The following GLRB variants were observed in gnomAD, a reference collection of about 807,000 sequenced individuals.
The protein encoded by GLRB is glycine receptor beta.
GLRB carries 33 observed loss-of-function variants against 54.2 expected under a neutral mutation model. The observed-to-expected ratio is 0.61, with a 90% confidence interval of 0.46 to 0.81. GLRB has a LOEUF of 0.81. Among genes scored for constraint, GLRB ranks in the 40% least tolerant of loss-of-function variants. The pLI, the probability that GLRB is intolerant of heterozygous loss-of-function variation, is 0.00. For missense variants in GLRB, 572 were observed against 584.6 expected, an observed-to-expected ratio of 0.98 and a Z score of 0.22; for synonymous variants, 209 against 208.2, an observed-to-expected ratio of 1.00 and a Z score of -0.03.
chr4:157,091,946 A>G (rs1236340094), intron 2 of GLRB, among the ~76,000 whole-genome samples: 1 of 152,200 alleles, frequency 6.6e-6, no homozygotes, highest in Non-Finnish European at 1.5e-5. Flanking sequence ...ACTCCCTGCC[A>G]TTAACACTAT....
At chr4:157,123,020 C>T (rs568144349) in intron 4 of GLRB, among the ~76,000 whole-genome samples, 3 of 151,664 alleles carry the variant, frequency 2.0e-5, no homozygotes, top group African/African-American at 7.2e-5. Flanking sequence ...GGCTGTTGTC[C>T]ATGATAAGTT....
intron 2 of GLRB, among the ~76,000 whole-genome samples, chr4:157,087,617 T>C (rs899907486): frequency 1.3e-5 from 2 of 152,134 alleles, no homozygotes; most frequent in African/African-American, 4.8e-5. Context: ...ATTCTATTTC[T>C]TGGGGAAGTT....
intron 8 of GLRB, among the ~76,000 whole-genome samples, chr4:157,145,725 T>C (rs777531113): frequency 1.6e-4 from 25 of 152,132 alleles, no homozygotes; most frequent in African/African-American, 4.8e-4. Context: ...TGATGTAAGA[T>C]AGCAAGTTTG....
intron 1 of GLRB, 70 bp from the exon 2 acceptor site, chr4:157,077,926 C>A: frequency 9.7e-7 from 1 of 1,027,212 alleles, no homozygotes; most frequent in Non-Finnish European, 1.5e-6. Flanking sequence ...TGCTTATACT[C>A]TTTAAAGGGA....
chr4:157,168,504 T>C (rs1218549006), intron 9 of GLRB, among the ~76,000 whole-genome samples: 1 of 152,036 alleles, frequency 6.6e-6, no homozygotes, highest in Admixed American at 6.6e-5. Context: ...GAAAAAAAAA[T>C]CATGCTATTA....
At chr4:157,126,831 C>T (rs939640938) in intron 4 of GLRB, among the ~76,000 whole-genome samples, 1 of 151,792 alleles carries the variant, frequency 6.6e-6, no homozygotes, top group African/African-American at 2.4e-5. Flanking sequence ...TACACTGGCA[C>T]TTTGACTTAT....
In GLRB at chr4:157,095,464, C is replaced by T. The variant is rs77816350; in HGVS notation, c.122+17318C>T. Among the ~76,000 whole-genome samples the T allele has an allele frequency of 6.3e-3, 963 of 152,120 alleles. 22 individuals are homozygous for T. The East Asian group carries it at 0.1, about 16-fold the overall frequency. ...AGAAAATATCCAATAAGCTGTTGAA[C>T]ATAGAGTCAGAAATTCCAGGGAATA... On this transcript the variant is annotated intron_variant, in intron 2 of 9. Coordinates refer to ENST00000264428, the MANE Select transcript of GLRB (RefSeq NM_000824.5).
At chr4:157,131,577 C>G (rs77881574) in intron 4 of GLRB, among the ~76,000 whole-genome samples, 4,667 of 151,824 alleles carry the variant, frequency 0.031, 118 homozygotes, top group African/African-American at 0.068. Context: ...TGTGCTTTGC[C>G]TCTTTATCCC....
intron 4 of GLRB, among the ~76,000 whole-genome samples, chr4:157,130,699 C>T (rs1736182441): frequency 6.6e-6 from 1 of 151,574 alleles, no homozygotes; most frequent in Non-Finnish European, 1.5e-5. Context: ...AATAATGTTG[C>T]TATGAACATG....
intron 9 of GLRB, among the ~76,000 whole-genome samples, chr4:157,162,581 T>G (rs1737546053): frequency 6.6e-6 from 1 of 152,214 alleles, no homozygotes; most frequent in Non-Finnish European, 1.5e-5. Context: ...GCAGGTCTGT[T>G]GGAGTTTGCC....
At chr4:157,148,615 G>A (rs1736902732) in intron 8 of GLRB, among the ~76,000 whole-genome samples, 1 of 151,886 alleles carries the variant, frequency 6.6e-6, no homozygotes, top group Non-Finnish European at 1.5e-5. Context: ...TTCTTCTTTG[G>A]CCCATGGATT....
intron 3 of GLRB, among the ~76,000 whole-genome samples, chr4:157,121,284 T>A (rs1196455861): frequency 6.6e-6 from 1 of 151,696 alleles, no homozygotes; most frequent in Non-Finnish European, 1.5e-5. Context: ...ACCAAAACTA[T>A]GCTTACAATA....
chr4:157,085,193 A>G (rs895736424), intron 2 of GLRB, among the ~76,000 whole-genome samples: 4 of 152,064 alleles, frequency 2.6e-5, no homozygotes, highest in East Asian at 1.9e-4. Context: ...ATGATCTCCT[A>G]TATCTGCCAT....
intron 9 of GLRB, among the ~76,000 whole-genome samples, chr4:157,161,173 C>T (rs931595672): frequency 1.3e-5 from 2 of 151,922 alleles, no homozygotes; most frequent in South Asian, 4.2e-4. Flanking sequence ...TTTGGTTTTC[C>T]ATTTGCTTGG....
chr4:157,170,961 G>T lies in GLRB; in HGVS notation c.*233G>T, dbSNP rs886169668. On this transcript the variant is annotated 3_prime_UTR_variant, in exon 10 of 10. Transcript: ENST00000264428. ...GTGAACATATTGCTTAGTAACAAATGAAGGACAAGCATACTACATAATATA... is the reference window on the plus strand; with the variant it reads ...GTGAACATATTGCTTAGTAACAAATTAAGGACAAGCATACTACATAATATA... The T allele has an allele frequency of 5.2e-6, 2 of 382,954 alleles. No individual in the cohort carries two copies. The highest frequency in any genetic ancestry group is 8.3e-5 in the Admixed American group (2 of 24,188). 23.7% of individuals were successfully genotyped at this position (382,954 alleles called of 1,614,324 possible).
At chr4:157,162,756 G>A (rs1737556701) in intron 9 of GLRB, among the ~76,000 whole-genome samples, 1 of 152,164 alleles carries the variant, frequency 6.6e-6, no homozygotes, top group Admixed American at 6.5e-5. Flanking sequence ...ACTGTGAGAT[G>A]TCTCCCAGTT....
intron 4 of GLRB, among the ~76,000 whole-genome samples, chr4:157,122,654 T>C (rs1237283857): frequency 1.3e-5 from 2 of 151,726 alleles, no homozygotes; most frequent in African/African-American, 2.4e-5. Context: ...AAAACTGTGA[T>C]TGGATACAAC....
intron 3 of GLRB, 117 bp downstream of exon 3, chr4:157,120,779 C>A: frequency 1.8e-6 from 1 of 559,190 alleles, no homozygotes; most frequent in South Asian, 2.0e-5. Flanking sequence ...AGTAAGATTT[C>A]AAAGTGATAT....
intron 2 of GLRB, among the ~76,000 whole-genome samples, chr4:157,106,210 T>C (rs867456051): frequency 2.0e-5 from 3 of 152,134 alleles, no homozygotes; most frequent in Non-Finnish European, 4.4e-5. Flanking sequence ...GCTCTTTGAA[T>C]GTATTATCCC....
Sources: gnomAD v4.1 joint callset for allele counts (sites outside exome capture counted in the v4.1 genomes callset) on GRCh38, gnomAD v4.1.1 for gene constraint, MANE v1.5 for transcripts, NCBI Gene and HGNC (gene_info 2026-07-23, HGNC 2026-07-21) for gene names.